LSAMP: variants seen among roughly 807,000 people sequenced by gnomAD.
LSAMP encodes limbic system-associated membrane protein.
In LSAMP, 7 loss-of-function variants were observed where a neutral mutation model predicts 38.6. That is an observed-to-expected ratio of 0.18 (90% CI 0.10 to 0.34). LSAMP has a LOEUF of 0.34. Among genes scored for constraint, LSAMP ranks in the 10% least tolerant of loss-of-function variants. LSAMP has a pLI of 1.00. For missense variants in LSAMP, 313 were observed against 420.0 expected (o/e 0.75, Z 2.23); for synonymous variants, 154 against 166.8 (o/e 0.92, Z 0.59).
At chr3:116,377,201 T>C (rs924923332) in intron 1 of LSAMP, among the ~76,000 whole-genome samples, 1 of 151,942 alleles carries the variant, frequency 6.6e-6, no homozygotes, top group African/African-American at 2.4e-5. Flanking sequence ...AGCATGCATT[T>C]GCTCTTTTTC....
chr3:116,181,528 T>G (rs566682383), intron 1 of LSAMP, among the ~76,000 whole-genome samples: 3 of 152,022 alleles, frequency 2.0e-5, no homozygotes, highest in Non-Finnish European at 4.4e-5. Flanking sequence ...TGAACCTATT[T>G]CCTAAGGAGG....
chr3:115,859,353 G>GAAAACA (rs888408027), intron 3 of LSAMP, among the ~76,000 whole-genome samples: 3 of 151,918 alleles, frequency 2.0e-5, no homozygotes, highest in East Asian at 1.9e-4. Context: ...AGGGGATGAA[G>GAAAACA]AAAACAAAAA....
chr3:116,420,101 C>CTT (rs374517771), intron 1 of LSAMP, among the ~76,000 whole-genome samples: 15 of 143,628 alleles, frequency 1.0e-4, no homozygotes, highest in South Asian at 2.2e-4. Context: ...TTTTTCTTTT[C>CTT]TTTTTTTTTT....
chr3:116,093,569 A>G (rs1708167935), intron 1 of LSAMP, among the ~76,000 whole-genome samples: 4 of 152,238 alleles, frequency 2.6e-5, no homozygotes, highest in South Asian at 2.1e-4. Context: ...ATAAGTTAGT[A>G]GTTAATCATG....
chr3:116,005,452 G>C (rs1032979864), intron 3 of LSAMP, among the ~76,000 whole-genome samples: 1 of 152,046 alleles, frequency 6.6e-6, no homozygotes, highest in Non-Finnish European at 1.5e-5. Context: ...TAACATTATG[G>C]GTTACTCCTG....
chr3:116,283,400 T>A (rs2047153946), intron 1 of LSAMP, among the ~76,000 whole-genome samples: 1 of 152,136 alleles, frequency 6.6e-6, no homozygotes, highest in Non-Finnish European at 1.5e-5. Context: ...AAGGCATCCC[T>A]TTTCCCTGAC....
chr3:116,421,556 G>C lies in LSAMP; in HGVS notation c.155+23321C>G, dbSNP rs13316410. Reference sequence around the variant, plus strand: ...CAAGATTCTGTCTAAAAAAAAAAAAGAAGAAGAAGAAGAGTTCTCAAAATT... The same window carrying C: ...CAAGATTCTGTCTAAAAAAAAAAAACAAGAAGAAGAAGAGTTCTCAAAATT... On this transcript the variant is annotated intron_variant, in intron 1 of 6. Coordinates refer to ENST00000490035, the MANE Select transcript of LSAMP (RefSeq NM_002338.5). Among the ~76,000 whole-genome samples, 7 of 40,292 alleles carry C rather than the reference G, an allele frequency of 1.7e-4. 1 individual carries two copies. In the South Asian group the frequency reaches 6.7e-3, roughly 39 times the overall value. The allele number at this position is 40,292 out of a possible 152,430, so 26.4% of individuals were successfully genotyped here.
rs193050404 is a variant in LSAMP at position 116,060,344 on chromosome 3, G to A, written c.388+25980C>T. 4.0e-3 allele frequency among the ~76,000 whole-genome samples: 601 copies of A among 152,134 alleles called. 3 individuals carry two copies. The highest frequency in any genetic ancestry group is 6.4e-3 in the Non-Finnish European group (438 of 68,026). ...CTTAAAGAGGTAAACCAACTATTCG[G>A]TGAAATTTTATAGCTAAGAAAACCC... On this transcript the variant is annotated intron_variant, in intron 2 of 6. Coordinates refer to ENST00000490035, the MANE Select transcript of LSAMP (RefSeq NM_002338.5).
rs916096389 is a variant in LSAMP, at chr3:116,294,099, T to C, written c.155+150778A>G. 7.2e-5 allele frequency among the ~76,000 whole-genome samples: 11 copies of C among 152,014 alleles called. No homozygotes were observed. In the East Asian group the frequency reaches 2.1e-3, roughly 29 times the overall value. ...AATAATGATGATGATCATCATCACT[T>C]TCAATCTGCACCTCCCACACACACG... On this transcript the variant is annotated intron_variant, in intron 1 of 6. Coordinates refer to ENST00000490035, the MANE Select transcript of LSAMP (RefSeq NM_002338.5).
intron 1 of LSAMP, among the ~76,000 whole-genome samples, chr3:116,323,319 T>C (rs1324043811): frequency 6.6e-6 from 1 of 152,056 alleles, no homozygotes; most frequent in Admixed American, 6.6e-5. Flanking sequence ...CCAAACTATA[T>C]CTGGTCAATC....
At chr3:115,957,896 A>T (rs1195842764) in intron 3 of LSAMP, among the ~76,000 whole-genome samples, 2 of 151,934 alleles carry the variant, frequency 1.3e-5, no homozygotes, top group Non-Finnish European at 2.9e-5. Flanking sequence ...TACCACCTCT[A>T]TTTTTTATCC....
At chr3:115,818,790 T>TTATTTATATATATATATATATATATATA (rs1934118473) in intron 6 of LSAMP, among the ~76,000 whole-genome samples, 4 of 69,786 alleles carry the variant, frequency 5.7e-5, no homozygotes, top group Non-Finnish European at 9.0e-5. Context: ...AGTTGTACTT[T>TTATTTATATATATATATATATATATATA]TATATATATA....
chr3:115,831,870 T>C (rs1934623742), intron 6 of LSAMP, among the ~76,000 whole-genome samples: 1 of 152,192 alleles, frequency 6.6e-6, no homozygotes, highest in Admixed American at 6.5e-5. Context: ...TTTTATATTT[T>C]GTTTTGTTTT....
intron 1 of LSAMP, among the ~76,000 whole-genome samples, chr3:116,127,068 C>T (rs1185781440): frequency 1.3e-5 from 2 of 152,156 alleles, no homozygotes; most frequent in South Asian, 2.1e-4. Flanking sequence ...TTCTCTTATG[C>T]CTGGATTGAT....
chr3:116,241,188 A>C (rs112934046), intron 1 of LSAMP, among the ~76,000 whole-genome samples: 2,162 of 151,748 alleles, frequency 0.014, 50 homozygotes, highest in African/African-American at 0.049. Context: ...AAAAAAAAAA[A>C]AAAACTTGCA....
At chr3:116,009,519 A>G (rs1267829525) in intron 3 of LSAMP, among the ~76,000 whole-genome samples, 1 of 152,198 alleles carries the variant, frequency 6.6e-6, no homozygotes, top group Non-Finnish European at 1.5e-5. Context: ...CAAAAGAGAT[A>G]ATTTAAGTGT....
intron 1 of LSAMP, among the ~76,000 whole-genome samples, chr3:116,351,485 G>A (rs1487474040): frequency 6.6e-6 from 1 of 152,010 alleles, no homozygotes; most frequent in Non-Finnish European, 1.5e-5. Flanking sequence ...ATTTTCCAGA[G>A]TCAGCAGCAT....
Position 116,154,514 on chromosome 3 carries a change from G to A in LSAMP, c.156-67958C>T, listed in dbSNP as rs182227368. ...TTAAACATTTCACAGCTTGCCATTCGTTTTAGGTTAATGCTCTAAGACTTT... is the reference window on the plus strand; with the variant it reads ...TTAAACATTTCACAGCTTGCCATTCATTTTAGGTTAATGCTCTAAGACTTT... On this transcript the variant is annotated intron_variant, in intron 1 of 6. Transcript: ENST00000490035. Among the ~76,000 whole-genome samples the A allele has an allele frequency of 3.2e-3, 485 of 152,128 alleles. 6 individuals are homozygous for A. Among genetic ancestry groups the A allele is most frequent in the Admixed American group, 1.6e-3 (25 of 15,270 alleles).
chr3:115,890,287 A>C (rs1383591929), intron 3 of LSAMP, among the ~76,000 whole-genome samples: 1 of 151,972 alleles, frequency 6.6e-6, no homozygotes, highest in East Asian at 1.9e-4. Context: ...AGCATCAACC[A>C]GCTAAAATTA....
Sources: allele counts gnomAD v4.1 joint callset (sites outside exome capture counted in the v4.1 genomes callset), GRCh38; gene constraint gnomAD v4.1.1; transcripts MANE v1.5; gene names NCBI Gene and HGNC (gene_info 2026-07-23, HGNC 2026-07-21).